Variants in EDA observed in about 807,000 individuals in gnomAD.
EDA encodes ectodysplasin-A.
Under a neutral mutation model 23.6 loss-of-function variants are expected in EDA, and 2 were observed. The observed-to-expected ratio is 0.08, with a 90% CI of 0.03 to 0.27. EDA has a LOEUF of 0.27. EDA is among the 10% of genes least tolerant of loss of function. The pLI, the probability that EDA is intolerant of heterozygous loss-of-function variation, is 1.00. For missense variants in EDA, 229 were observed against 324.2 expected (o/e 0.71, Z 2.26); for synonymous variants, 131 against 132.0 (o/e 0.99, Z 0.05).
chrX:69,723,529 A>G (rs1221164169), intron 1 of EDA, among the ~76,000 whole-genome samples: 1 of 112,078 alleles, frequency 8.9e-6, no homozygotes, highest in Admixed American at 9.5e-5. Context: ...GGTCTTTATC[A>G]CTAACAATTG....
chrX:69,769,309 CCTTGCACTT>C (rs1222012707), intron 1 of EDA, among the ~76,000 whole-genome samples: 1 of 111,677 alleles, frequency 9.0e-6, no homozygotes, highest in Non-Finnish European at 1.9e-5. Context: ...GTCTATTTCT[CCTTGCACTT>C]CTATCAGTGA....
intron 1 of EDA, among the ~76,000 whole-genome samples, chrX:69,744,949 G>C (rs988924013): frequency 4.5e-5 from 5 of 111,740 alleles, no homozygotes; most frequent in African/African-American, 1.6e-4. Context: ...CACTCTGCCT[G>C]AAGTCACGTC....
intron 1 of EDA, among the ~76,000 whole-genome samples, chrX:69,688,515 C>T (rs1934612110): frequency 9.0e-6 from 1 of 111,305 alleles, no homozygotes; most frequent in Non-Finnish European, 1.9e-5. Context: ...ATTCTTGTGC[C>T]TCAGCCTCCC....
chrX:69,809,083 T>C (rs183976094), intron 1 of EDA, among the ~76,000 whole-genome samples: 55 of 111,655 alleles, frequency 4.9e-4, no homozygotes, highest in African/African-American at 1.7e-3. Context: ...GGGAGGTCCA[T>C]GGGGTACCAT....
chrX:69,637,495 T>C (rs1289645365), intron 1 of EDA, among the ~76,000 whole-genome samples: 1 of 111,276 alleles, frequency 9.0e-6, no homozygotes, highest in Non-Finnish European at 1.9e-5. Flanking sequence ...AACTGACCTG[T>C]GGATATGAAA....
chrX:69,736,540 G>C (rs755316766), intron 1 of EDA, among the ~76,000 whole-genome samples: 123 of 109,526 alleles, frequency 1.1e-3, no homozygotes, highest in African/African-American at 3.9e-3. Flanking sequence ...TGTTGGCCAG[G>C]CTGCTCTCGA....
chrX:69,629,505 C>G (rs1301847068), intron 1 of EDA, among the ~76,000 whole-genome samples: 2 of 111,988 alleles, frequency 1.8e-5, no homozygotes, highest in Admixed American at 1.9e-4. Flanking sequence ...TAATTAAATA[C>G]CAAAGTGAAT....
chrX:69,982,314 TC>T (rs2019420817), intron 2 of EDA, among the ~76,000 whole-genome samples: 1 of 111,336 alleles, frequency 9.0e-6, no homozygotes. Flanking sequence ...GAACAAAGTT[TC>T]CCTGCCGCTT....
rs749163694 is a variant in EDA at position 69,831,176 on chromosome X, T to C, written c.397-125851T>C. ...GTTTGCTGCACCCATCAACTCATCA[T>C]TTACGTTAGGTACTACTCCTAATGC... is the stretch of plus-strand genomic sequence containing the variant. On this transcript the variant is annotated intron_variant, in intron 1 of 7. Coordinates refer to ENST00000374552, the MANE Select transcript of EDA (RefSeq NM_001399.5). Among the ~76,000 whole-genome samples the C allele has an allele frequency of 4.5e-5, 5 of 111,436 alleles. No individual in the cohort carries two copies. The East Asian group carries it at 1.4e-3, about 31-fold the overall frequency.
intron 2 of EDA, chrX:69,957,436 G>A (rs1035086042): frequency 2.3e-5 from 5 of 216,903 alleles, no homozygotes; most frequent in African/African-American, 1.6e-4. Flanking sequence ...CTGAGACTGT[G>A]CCACTGCACT....
chrX:69,873,323 T>A lies in EDA; in HGVS notation c.397-83704T>A, dbSNP rs189124996. ...AAGAATACAAATAGACAATCTAAGGTCACACCTCACAGAACTGGAGAAACA... is the reference window on the plus strand; with the variant it reads ...AAGAATACAAATAGACAATCTAAGGACACACCTCACAGAACTGGAGAAACA... On this transcript the variant is annotated intron_variant, in intron 1 of 7. Transcript: ENST00000374552. 1.7e-3 allele frequency among the ~76,000 whole-genome samples: 191 copies of A among 111,152 alleles called. 1 individual carries two copies. Among genetic ancestry groups the A allele is most frequent in the African/African-American group, 5.9e-3 (180 of 30,590 alleles).
Position 69,861,248 on chromosome X carries a change from G to T in EDA, c.397-95779G>T, listed in dbSNP as rs538056207. On this transcript the variant is annotated intron_variant, in intron 1 of 7. Transcript: ENST00000374552. Reference sequence around the variant, plus strand: ...ATAAAACAATAATAATGTCTAATTTGTAAGTTAAAGAAAAACTATATAGAA... The same window carrying T: ...ATAAAACAATAATAATGTCTAATTTTTAAGTTAAAGAAAAACTATATAGAA... 5.3e-4 allele frequency: 95 copies of T among 179,679 alleles called. 1 individual carries two copies. The highest frequency in any genetic ancestry group is 2.6e-3 in the African/African-American group (87 of 33,293). The allele number at this position is 179,679 out of a possible 1,213,427, so 14.8% of individuals were successfully genotyped here.
At chrX:69,679,072 GA>G (rs2147278838) in intron 1 of EDA, among the ~76,000 whole-genome samples, 1 of 105,501 alleles carries the variant, frequency 9.5e-6, no homozygotes, top group South Asian at 4.4e-4. Flanking sequence ...TGCATCTATT[GA>G]AATAATCATG....
At chrX:69,659,205 A>G (rs1293820011) in intron 1 of EDA, among the ~76,000 whole-genome samples, 1 of 112,424 alleles carries the variant, frequency 8.9e-6, no homozygotes, top group African/African-American at 3.2e-5. Context: ...TTCTAAAAGT[A>G]TTTCTTTACT....
chrX:69,896,831 A>C (rs1465491313), intron 1 of EDA, among the ~76,000 whole-genome samples: 1 of 111,238 alleles, frequency 9.0e-6, no homozygotes, highest in African/African-American at 3.3e-5. Context: ...TTTAGAATAA[A>C]TTTGGCAAAT....
chrX:70,023,187 G>T (rs1307608384), intron 2 of EDA, 31 bp from the exon 3 acceptor site: 1 of 976,627 alleles, frequency 1.0e-6, no homozygotes, highest in Non-Finnish European at 1.5e-6. Flanking sequence ...CATTTCCAAT[G>T]ACTTAATTAT....
intron 1 of EDA, among the ~76,000 whole-genome samples, chrX:69,716,929 T>A (rs1006192620): frequency 1.8e-5 from 2 of 111,542 alleles, no homozygotes; most frequent in African/African-American, 6.5e-5. Flanking sequence ...ATCCTGAAAC[T>A]TTGCTGAAGT....
chrX:69,820,485 A>C (rs1482529057), intron 1 of EDA, among the ~76,000 whole-genome samples: 1 of 112,292 alleles, frequency 8.9e-6, no homozygotes, highest in Non-Finnish European at 1.9e-5. Context: ...AAAGTTTTGC[A>C]ATGTATCCAT....
At chrX:69,950,438 G>A (rs1278702817) in intron 1 of EDA, among the ~76,000 whole-genome samples, 5 of 96,427 alleles carry the variant, frequency 5.2e-5, no homozygotes, top group Non-Finnish European at 8.4e-5. Context: ...AAGTCAGGAA[G>A]CAACAGGTGC....
Sources: allele counts gnomAD v4.1 joint callset (sites outside exome capture counted in the v4.1 genomes callset), GRCh38; gene constraint gnomAD v4.1.1; transcripts MANE v1.5; gene names NCBI Gene and HGNC (gene_info 2026-07-23, HGNC 2026-07-21).